The following NSD1 variants were observed in gnomAD, a reference collection of about 807,000 sequenced individuals.
The protein encoded by NSD1 is histone-lysine N-methyltransferase, H3 lysine-36 specific.
Under a neutral mutation model 242.7 loss-of-function variants are expected in NSD1, and 26 were observed. The observed-to-expected ratio is 0.11, with a 90% CI of 0.08 to 0.15. The LOEUF (loss-of-function observed/expected upper bound fraction) is 0.15, where lower values mean the gene tolerates loss of function less well. NSD1 is among the 10% of genes least tolerant of loss of function. The pLI, the probability that NSD1 is intolerant of heterozygous loss-of-function variation, is 1.00. For synonymous variants in NSD1, 1,106 were observed against 1,178.1 expected, an observed-to-expected ratio of 0.94 and a Z score of 1.25; for missense variants, 2,495 against 3,272.8, an observed-to-expected ratio of 0.76 and a Z score of 5.80.
intron 5 of NSD1, among the ~76,000 whole-genome samples, chr5:177,233,577 C>T (rs1365634738): frequency 7.0e-6 from 1 of 143,666 alleles, no homozygotes; most frequent in Non-Finnish European, 1.5e-5. Context: ...CAGGCTTTCA[C>T]CATATTGGCC....
chr5:177,185,137 C>T (rs949993207), intron 2 of NSD1, among the ~76,000 whole-genome samples: 1 of 152,066 alleles, frequency 6.6e-6, no homozygotes, highest in African/African-American at 2.4e-5. Flanking sequence ...GTCTTTACCT[C>T]AAGTTGTGTA....
chr5:177,293,695 G>T, intron 22 of NSD1, 137 bp from the exon 23 acceptor site: 1 of 870,718 alleles, frequency 1.1e-6, no homozygotes. Context: ...GGTGGCTGGT[G>T]AGTGGCATAA....
rs561970315 is a variant in NSD1, at chr5:177,209,422, G to A, written c.1237-214G>A. ...CGGGTGCCTGTAATCCCAGCTACTC[G>A]GGAGGCTGAGGAAGGAGAATCACTT... On this transcript the variant is annotated intron_variant, in intron 4 of 22. Coordinates refer to ENST00000439151, the MANE Select transcript of NSD1 (RefSeq NM_022455.5). Among the ~76,000 whole-genome samples, 66 of 151,418 alleles carry A rather than the reference G, an allele frequency of 4.4e-4. No homozygotes were observed. The South Asian group carries it at 0.012, about 27-fold the overall frequency.
At chr5:177,192,392 T>G (rs1240739335) in intron 3 of NSD1, among the ~76,000 whole-genome samples, 3 of 150,254 alleles carry the variant, frequency 2.0e-5, no homozygotes, top group South Asian at 2.1e-4. Context: ...TGTTTTTTGT[T>G]TTTTTTTTTA....
intron 17 of NSD1, among the ~76,000 whole-genome samples, chr5:177,278,953 CTGTT>C (rs1402136952): frequency 1.3e-5 from 2 of 152,220 alleles, no homozygotes; most frequent in Admixed American, 6.5e-5. Flanking sequence ...GTCACAATAA[CTGTT>C]TGACCTTCAT....
At chr5:177,207,536 C>G (rs1292843421) in intron 4 of NSD1, among the ~76,000 whole-genome samples, 8 of 150,868 alleles carry the variant, frequency 5.3e-5, no homozygotes, top group African/African-American at 1.7e-4. Context: ...CCCACCTCAG[C>G]CTCCCAAAGC....
At chr5:177,168,720 C>T (rs1459351287) in intron 2 of NSD1, among the ~76,000 whole-genome samples, 1 of 152,126 alleles carries the variant, frequency 6.6e-6, no homozygotes, top group Non-Finnish European at 1.5e-5. Flanking sequence ...CTTGGCCTCC[C>T]AAAGTGCTGG....
rs775310048 is a variant in NSD1, at chr5:177,238,245, C to G, written c.3930C>G (p.Ser1310=). The G allele has an allele frequency of 6.2e-7, 1 of 1,614,082 alleles. No homozygotes were observed. The highest frequency in any genetic ancestry group is 1.1e-5 in the South Asian group (1 of 91,084). The change falls in exon 7 of 23, where the codon TCC becomes TCG. Residue 1310 remains serine, a synonymous_variant. Coordinates refer to ENST00000439151, the MANE Select transcript of NSD1 (RefSeq NM_022455.5). This position sits in a 1 kb window ranked among gnomAD's most constrained non-coding sequence, Gnocchi z 4.6. ...TTATTTTTTGTTCTTAGGTAAGTTC[C>G]CGCTGTGAAGAGGAAAGCCTTCTAG... ...KVQEQVHKVS[S]RCEEESLLAR...
intron 7 of NSD1, 124 bp from the exon 8 acceptor site, chr5:177,239,631 TC>T: frequency 1.6e-6 from 1 of 639,154 alleles, no homozygotes; most frequent in Non-Finnish European, 2.8e-6. Flanking sequence ...TCCTGCCTCT[TC>T]CCATAAGATG....
chr5:177,295,184 G>A lies in NSD1; in HGVS notation c.7816G>A (p.Ala2606Thr). 6.2e-7 allele frequency: 1 copy of A among 1,614,224 alleles called. No individual in the cohort carries two copies. The highest frequency in any genetic ancestry group is 2.2e-5 in the East Asian group (1 of 44,880). Reference protein sequence around the residue: ...SGQSFRSLGKAPASLPTEEKK... With the variant: ...SGQSFRSLGKTPASLPTEEKK... ...GCAATCTTTTAGGTCTCTCGGGAAGGCCCCAGCCTCCCTCCCCACTGAAGA... is the reference window on the plus strand; with the variant it reads ...GCAATCTTTTAGGTCTCTCGGGAAGACCCCAGCCTCCCTCCCCACTGAAGA... The change falls in exon 23 of 23, where the codon GCC becomes ACC. Residue 2606 changes from alanine (A) to threonine (T), a missense_variant. This residue lies in a region of NSD1 where 475 missense variants were observed against 563.7 expected (regional missense o/e 0.84). Coordinates refer to ENST00000439151, the MANE Select transcript of NSD1 (RefSeq NM_022455.5). This position sits in a 1 kb window ranked among gnomAD's most constrained non-coding sequence, Gnocchi z 4.3.
chr5:177,279,937 A>G (rs951860585), intron 17 of NSD1, among the ~76,000 whole-genome samples: 4 of 148,842 alleles, frequency 2.7e-5, no homozygotes, highest in Non-Finnish European at 5.9e-5. Context: ...TTTAAAATGA[A>G]TTTCAAAAAA....
At chr5:177,217,829 G>T (rs1193201464) in intron 5 of NSD1, among the ~76,000 whole-genome samples, 1 of 151,472 alleles carries the variant, frequency 6.6e-6, no homozygotes, top group Non-Finnish European at 1.5e-5. Flanking sequence ...CACCACGCCC[G>T]GCTAATTTTT....
At chr5:177,274,703 G>T (rs1266511633) in intron 17 of NSD1, among the ~76,000 whole-genome samples, 1 of 149,716 alleles carries the variant, frequency 6.7e-6, no homozygotes, top group Admixed American at 6.6e-5. Context: ...TCCTTTGTGT[G>T]TGTGTGTGTG....
At chr5:177,201,645 G>A (rs1762515459) in intron 3 of NSD1, among the ~76,000 whole-genome samples, 2 of 147,724 alleles carry the variant, frequency 1.4e-5, no homozygotes, top group Admixed American at 6.9e-5. Flanking sequence ...TGCAACCCCC[G>A]CCTCCTGAGT....
At chr5:177,148,364 C>G (rs928069377) in intron 2 of NSD1, among the ~76,000 whole-genome samples, 3 of 151,710 alleles carry the variant, frequency 2.0e-5, no homozygotes, top group Non-Finnish European at 4.4e-5. Flanking sequence ...GTGATCCACC[C>G]TCCTCAGCCT....
In NSD1 at chr5:177,293,905, C is replaced by T; in HGVS notation, c.6537C>T (p.Pro2179=). Residue 2179 remains proline (P), a synonymous_variant, in exon 23 of 23, where the codon CCC becomes CCT. Transcript: ENST00000439151. ...CAGCCTCCTTCTGTGAGATGTGCCC[C>T]AGCTCCTTTTGTAAGCAGCATCGAG... is the stretch of plus-strand genomic sequence containing the variant. ...KEAASFCEMC[P]SSFCKQHREG... 1 of 1,614,146 alleles carries T rather than the reference C, an allele frequency of 6.2e-7. No homozygotes were observed. The highest frequency in any genetic ancestry group is 8.5e-7 in the Non-Finnish European group (1 of 1,180,032).
intron 2 of NSD1, among the ~76,000 whole-genome samples, chr5:177,176,346 A>G (rs1306232877): frequency 1.3e-5 from 2 of 149,014 alleles, no homozygotes; most frequent in Non-Finnish European, 3.0e-5. Context: ...TGCAACATCC[A>G]CCTCCCAGGT....
chr5:177,192,890 T>C (rs1329318615), intron 3 of NSD1, among the ~76,000 whole-genome samples: 1 of 152,234 alleles, frequency 6.6e-6, no homozygotes, highest in Non-Finnish European at 1.5e-5. Flanking sequence ...ATTTTTCTAA[T>C]GTTTACATTG....
intron 19 of NSD1, among the ~76,000 whole-genome samples, chr5:177,282,828 TTGAG>T (rs1337152271): frequency 6.6e-6 from 1 of 152,220 alleles, no homozygotes; most frequent in African/African-American, 2.4e-5. Flanking sequence ...GCTTATATCT[TTGAG>T]TATTTTTTCT....
Sources: allele counts gnomAD v4.1 joint callset (sites outside exome capture counted in the v4.1 genomes callset), GRCh38; gene constraint gnomAD v4.1.1; regional missense constraint gnomAD v4.1.1; non-coding constraint Gnocchi (gnomAD v3.1); transcripts MANE v1.5; gene names NCBI Gene and HGNC (gene_info 2026-07-23, HGNC 2026-07-21).